The following ZBTB20 variants were observed in gnomAD, a reference collection of about 807,000 sequenced individuals.
The protein encoded by ZBTB20 is zinc finger and BTB domain-containing protein 20.
A neutral mutation model predicts 56.9 loss-of-function variants in ZBTB20; 9 were observed. The ratio of observed to expected loss-of-function variants is 0.16; its 90% CI spans 0.10 to 0.28. The LOEUF (loss-of-function observed/expected upper bound fraction) is 0.28. ZBTB20 is among the 10% of genes least tolerant of loss of function. The pLI is 1.00. For synonymous variants in ZBTB20, 417 were observed against 420.7 expected (o/e 0.99, Z 0.11); for missense variants, 655 against 1,003.0 (o/e 0.65, Z 4.69).
chr3:114,435,389 T>C lies in ZBTB20; in HGVS notation c.-254-46284A>G, dbSNP rs937704366. Among the ~76,000 whole-genome samples the C allele has an allele frequency of 2.0e-5, 3 of 152,190 alleles. No homozygotes were observed. The East Asian group carries it at 5.8e-4, about 29-fold the overall frequency. On this transcript the variant is annotated intron_variant, in intron 7 of 11. Transcript: ENST00000675478. ...TGATCTTCATACCAACTACGAATGA[T>C]TGATATTTTGCCCATTTTTTTTGTA...
At chr3:114,869,386 T>A (rs1311362040) in intron 4 of ZBTB20, among the ~76,000 whole-genome samples, 2 of 152,250 alleles carry the variant, frequency 1.3e-5, no homozygotes, top group East Asian at 3.9e-4. Context: ...CTAAATCAGG[T>A]CCACATTTGT....
rs2067733736 is a variant in ZBTB20 at position 114,753,374 on chromosome 3, T to C, written c.-343+47727A>G. ...TACATTATATATAATGTATATATAA[T>C]GTATATACACATACATGTATGTATA... is the stretch of plus-strand genomic sequence containing the variant. On this transcript the variant is annotated intron_variant, in intron 5 of 11. Transcript: ENST00000675478. 6.3e-5 allele frequency among the ~76,000 whole-genome samples: 9 copies of C among 143,630 alleles called. 3 individuals are homozygous for C. The East Asian group carries it at 1.6e-3, about 25-fold the overall frequency. The allele number at this position is 143,630 out of a possible 152,430, so 94.2% of individuals were successfully genotyped here. A position where few individuals can be genotyped will look rare whatever the true frequency, so the allele number is the denominator to read the frequency against.
intron 5 of ZBTB20, among the ~76,000 whole-genome samples, chr3:114,706,938 T>C (rs561697984): frequency 6.6e-6 from 1 of 152,100 alleles, no homozygotes; most frequent in South Asian, 2.1e-4. Flanking sequence ...GGGGTGCAAC[T>C]ACAGCCAAGA....
chr3:114,811,664 T>A (rs776665316), intron 4 of ZBTB20, among the ~76,000 whole-genome samples: 5 of 152,234 alleles, frequency 3.3e-5, no homozygotes, highest in Non-Finnish European at 5.9e-5. Context: ...ATCAAAGTAT[T>A]CACCAAACTT....
intron 1 of ZBTB20, among the ~76,000 whole-genome samples, chr3:115,095,260 C>G (rs1254694286): frequency 6.6e-6 from 1 of 152,100 alleles, no homozygotes; most frequent in Non-Finnish European, 1.5e-5. Context: ...TGTTCCTTGT[C>G]TCAGTATTCT....
In ZBTB20 at chr3:115,033,732, C is replaced by T. The variant is rs72943824; in HGVS notation, c.-507+37487G>A. Among the ~76,000 whole-genome samples the T allele has an allele frequency of 5.9e-3, 891 of 151,682 alleles. 12 individuals carry two copies. Among genetic ancestry groups the T allele is most frequent in the African/African-American group, 0.021 (862 of 41,486 alleles). On this transcript the variant is annotated intron_variant, in intron 2 of 11. Coordinates refer to ENST00000675478, the MANE Select transcript of ZBTB20 (RefSeq NM_001348800.3). ...TTTCCAAAAAAATCAGAGAAGGAAA[C>T]ACTCCCTGATTGATTACATGAGGCC... is the stretch of plus-strand genomic sequence containing the variant.
intron 3 of ZBTB20, among the ~76,000 whole-genome samples, chr3:114,935,678 G>A (rs548472865): frequency 6.6e-6 from 1 of 152,132 alleles, no homozygotes; most frequent in Admixed American, 6.5e-5. Context: ...GCCATCCCCT[G>A]TTCCCAGATC....
chr3:114,847,169 A>C (rs2074747018), intron 4 of ZBTB20, among the ~76,000 whole-genome samples: 2 of 152,172 alleles, frequency 1.3e-5, no homozygotes, highest in African/African-American at 4.8e-5. Flanking sequence ...TTTTTTAAAC[A>C]AATCTATAGG....
intron 3 of ZBTB20, among the ~76,000 whole-genome samples, chr3:114,952,461 C>A (rs181058939): frequency 9.2e-5 from 14 of 151,942 alleles, no homozygotes; most frequent in Admixed American, 3.9e-4. Context: ...TTCTGGTATT[C>A]TTTTATAGCA....
chr3:114,450,713 T>C (rs1292790201), intron 7 of ZBTB20, among the ~76,000 whole-genome samples: 3 of 152,146 alleles, frequency 2.0e-5, no homozygotes, highest in African/African-American at 7.2e-5. Flanking sequence ...TACAACCATA[T>C]GCATACCTAG....
chr3:114,746,210 T>C (rs1032737867), intron 5 of ZBTB20, among the ~76,000 whole-genome samples: 1 of 152,152 alleles, frequency 6.6e-6, no homozygotes, highest in Admixed American at 6.5e-5. Context: ...TACCAGACTA[T>C]CAATTCTGTG....
At chr3:114,503,146 A>G (rs553182387) in intron 6 of ZBTB20, among the ~76,000 whole-genome samples, 2 of 152,316 alleles carry the variant, frequency 1.3e-5, no homozygotes, top group African/African-American at 2.4e-5. Flanking sequence ...TCTGGAATGA[A>G]AAACTATCTT....
chr3:114,748,738 T>C (rs1354045680), intron 5 of ZBTB20, among the ~76,000 whole-genome samples: 1 of 152,148 alleles, frequency 6.6e-6, no homozygotes, highest in Admixed American at 6.5e-5. Flanking sequence ...ATTGTTAAAT[T>C]AGATATCCCT....
intron 6 of ZBTB20, among the ~76,000 whole-genome samples, chr3:114,506,875 C>T (rs2044677214): frequency 6.6e-6 from 1 of 152,170 alleles, no homozygotes; most frequent in African/African-American, 2.4e-5. Flanking sequence ...TTTGCTCTTC[C>T]CTGAACATGG....
chr3:114,940,402 T>G (rs1181045604), intron 3 of ZBTB20, among the ~76,000 whole-genome samples: 1 of 145,740 alleles, frequency 6.9e-6, no homozygotes, highest in African/African-American at 2.8e-5. Flanking sequence ...ATTTTTTTTT[T>G]TTTGGAAAGT....
intron 5 of ZBTB20, among the ~76,000 whole-genome samples, chr3:114,745,344 T>A (rs2066953073): frequency 6.6e-6 from 1 of 152,156 alleles, no homozygotes; most frequent in Non-Finnish European, 1.5e-5. Flanking sequence ...TGCCCATTCA[T>A]TAGATATGCT....
intron 4 of ZBTB20, among the ~76,000 whole-genome samples, chr3:114,877,257 T>C: frequency 6.6e-6 from 1 of 152,222 alleles, no homozygotes; most frequent in East Asian, 1.9e-4. Flanking sequence ...TAGTAAATAC[T>C]AGGCATTGTG....
chr3:114,415,582 T>C (rs925660628), intron 7 of ZBTB20, among the ~76,000 whole-genome samples: 5 of 152,146 alleles, frequency 3.3e-5, no homozygotes, highest in Admixed American at 6.6e-5. Context: ...AGTTTTCATA[T>C]AAATCAGATG....
chr3:115,120,996 AG>A (rs1318010643), intron 1 of ZBTB20, among the ~76,000 whole-genome samples: 2 of 152,120 alleles, frequency 1.3e-5, no homozygotes, highest in African/African-American at 4.8e-5. Context: ...AAGAATCAAC[AG>A]GAAGTGATGA....
Sources: gnomAD v4.1 joint callset for allele counts (sites outside exome capture counted in the v4.1 genomes callset) on GRCh38, gnomAD v4.1.1 for gene constraint, MANE v1.5 for transcripts, NCBI Gene and HGNC (gene_info 2026-07-23, HGNC 2026-07-21) for gene names.